Variants in GREB1L observed in about 807,000 individuals in gnomAD.
GREB1L encodes GREB1 like retinoic acid receptor coactivator, also known as GREB1-like protein.
GREB1L carries 17 observed loss-of-function variants against 200.8 expected under a neutral mutation model. The observed-to-expected ratio is 0.08, with a 90% CI of 0.06 to 0.13. The LOEUF (loss-of-function observed/expected upper bound fraction) is 0.13, where lower values mean the gene tolerates loss of function less well. Among genes scored for constraint, GREB1L ranks in the 10% least tolerant of loss-of-function variants. The pLI is 1.00. For missense variants in GREB1L, 1,657 were observed against 2,367.7 expected (o/e 0.70, Z 6.23); for synonymous variants, 789 against 893.0 (o/e 0.88, Z 2.08).
chr18:21,274,925 T>C (rs1311474352), intron 1 of GREB1L, among the ~76,000 whole-genome samples: 5 of 151,356 alleles, frequency 3.3e-5, no homozygotes, highest in Non-Finnish European at 2.9e-5. Context: ...AATTTTAAAA[T>C]ACCACACTTG....
intron 18 of GREB1L, among the ~76,000 whole-genome samples, chr18:21,486,076 T>C (rs1017386289): frequency 6.6e-6 from 1 of 152,170 alleles, no homozygotes; most frequent in African/African-American, 2.4e-5. Flanking sequence ...CGCTTCTGGC[T>C]GGGCGCGGTG....
intron 28 of GREB1L, among the ~76,000 whole-genome samples, chr18:21,514,300 T>G (rs1423768083): frequency 6.6e-6 from 1 of 152,194 alleles, no homozygotes; most frequent in Non-Finnish European, 1.5e-5. Context: ...GCTGATCATT[T>G]AAGGCCAGGA....
rs1309793502 is a variant in GREB1L at position 21,452,193 on chromosome 18, G to A, written c.1960G>A (p.Ala654Thr). Residue 654 changes from alanine (A) to threonine (T), a missense_variant, in exon 14 of 33, where the codon GCT (alanine) becomes ACT (threonine). Coordinates refer to ENST00000424526, the MANE Select transcript of GREB1L (RefSeq NM_001142966.3). ...ATGTGTGTCACCCCAGGAGGCTGCT[G>A]CTATGATTCCCACACAAAACCTGGG... The part of the protein sequence containing the change: ...NECVSPQEAA[A>T]MIPTQNLDLD... 2 of 1,551,686 alleles carry A rather than the reference G, an allele frequency of 1.3e-6. No individual in the cohort carries two copies. Among genetic ancestry groups the A allele is most frequent in the Non-Finnish European group, 1.7e-6 (2 of 1,146,924 alleles).
intron 1 of GREB1L, among the ~76,000 whole-genome samples, chr18:21,343,730 A>ATTTTTTTTTTTTTTTTTTTTTTTTTTTT (rs36120644): frequency 8.7e-6 from 1 of 114,952 alleles, no homozygotes; most frequent in Non-Finnish European, 1.8e-5. Flanking sequence ...GAGAAGAGAG[A>ATTTTTTTTTTTTTTTTTTTTTTTTTTTT]TTTTTTTTTT....
intron 7 of GREB1L, among the ~76,000 whole-genome samples, chr18:21,429,012 C>T (rs1264663958): frequency 1.3e-5 from 2 of 152,058 alleles, no homozygotes; most frequent in East Asian, 1.9e-4. Flanking sequence ...GCCACCGTGC[C>T]CAGCCTATAA....
intron 1 of GREB1L, among the ~76,000 whole-genome samples, chr18:21,359,264 A>G (rs2039549107): frequency 6.6e-6 from 1 of 152,220 alleles, no homozygotes. Context: ...AGCCTGGCCA[A>G]CATGGTGAAA....
chr18:21,470,622 T>C (rs1222078972), intron 15 of GREB1L, among the ~76,000 whole-genome samples: 4 of 152,218 alleles, frequency 2.6e-5, no homozygotes, highest in African/African-American at 7.2e-5. Context: ...ATTTTGTGTT[T>C]TCTACACAGA....
Position 21,254,173 on chromosome 18 carries a change from G to A in GREB1L, c.-120+11780G>A, listed in dbSNP as rs147737575. On this transcript the variant is annotated intron_variant, in intron 1 of 32. Coordinates refer to ENST00000424526, the MANE Select transcript of GREB1L (RefSeq NM_001142966.3). Reference sequence around the variant, plus strand: ...CAGCTTCCACCTCCCGGGTTCAAGCGATTCTCCTGTCTCAGCCTCCCGAAT... The same window carrying A: ...CAGCTTCCACCTCCCGGGTTCAAGCAATTCTCCTGTCTCAGCCTCCCGAAT... Among the ~76,000 whole-genome samples, 1,191 of 148,764 alleles carry A rather than the reference G, an allele frequency of 8.0e-3. 15 individuals carry two copies. The highest frequency in any genetic ancestry group is 0.028 in the African/African-American group (1,118 of 40,040).
intron 9 of GREB1L, 80 bp from the exon 10 acceptor site, chr18:21,441,320 A>G (rs1598845018): frequency 8.5e-7 from 1 of 1,172,544 alleles, no homozygotes. Flanking sequence ...CTCTGTTAAA[A>G]GTATTAAAAC....
At chr18:21,451,666 T>C (rs569932338) in intron 13 of GREB1L, among the ~76,000 whole-genome samples, 44 of 151,696 alleles carry the variant, frequency 2.9e-4, no homozygotes, top group Non-Finnish European at 5.4e-4. Flanking sequence ...GCTAATTTTT[T>C]AATTTTTTGT....
chr18:21,292,837 G>A (rs1382734801), intron 1 of GREB1L, among the ~76,000 whole-genome samples: 3 of 152,226 alleles, frequency 2.0e-5, no homozygotes, highest in Admixed American at 1.3e-4. Context: ...CACTGGGAAA[G>A]ACTTCAGGAA....
chr18:21,265,976 GA>G (rs574032858), intron 1 of GREB1L, among the ~76,000 whole-genome samples: 1 of 152,008 alleles, frequency 6.6e-6, no homozygotes, highest in Non-Finnish European at 1.5e-5. Context: ...TGGCTGAATG[GA>G]AAAAAACCCA....
At chr18:21,473,662 C>T (rs1000006705) in intron 16 of GREB1L, among the ~76,000 whole-genome samples, 4 of 151,580 alleles carry the variant, frequency 2.6e-5, no homozygotes, top group East Asian at 1.9e-4. Flanking sequence ...TTACTGGTAA[C>T]TTTTTCCTAC....
intron 7 of GREB1L, among the ~76,000 whole-genome samples, chr18:21,431,561 C>G (rs1404475282): frequency 2.0e-5 from 3 of 152,082 alleles, no homozygotes; most frequent in African/African-American, 7.2e-5. Context: ...GGAGAATCTC[C>G]CTGGTGCCCT....
At chr18:21,397,844 A>G (rs1004576011) in intron 5 of GREB1L, among the ~76,000 whole-genome samples, 4 of 152,206 alleles carry the variant, frequency 2.6e-5, no homozygotes, top group African/African-American at 9.6e-5. Context: ...GTATTTATTC[A>G]GGATGTACTG....
rs2030481110 is a variant in GREB1L at position 21,408,042 on chromosome 18, G to A, written c.832+4048G>A. ...AGTTAGATAGAAAAAATAAGTTCTA[G>A]TGTTTGATAGCAGAGCAGCATGACT... On this transcript the variant is annotated intron_variant, in intron 7 of 32. Transcript: ENST00000424526. 2.0e-5 allele frequency among the ~76,000 whole-genome samples: 3 copies of A among 152,126 alleles called. No homozygotes were observed. In the South Asian group the frequency reaches 6.2e-4, roughly 32 times the overall value.
chr18:21,460,158 G>A (rs992037403), intron 15 of GREB1L, among the ~76,000 whole-genome samples: 9 of 151,900 alleles, frequency 5.9e-5, no homozygotes, highest in African/African-American at 2.2e-4. Flanking sequence ...GTTTTGTTTT[G>A]TCTTGTTTTT....
At chr18:21,426,963 AAAAAAAAAAC>A (rs2032638101) in intron 7 of GREB1L, among the ~76,000 whole-genome samples, 2 of 117,266 alleles carry the variant, frequency 1.7e-5, no homozygotes, top group African/African-American at 1.0e-4. Flanking sequence ...CGTCTCAAAA[AAAAAAAAAAC>A]AAAAAAAAAA....
At chr18:21,256,688 A>G (rs1255973441) in intron 1 of GREB1L, among the ~76,000 whole-genome samples, 2 of 152,194 alleles carry the variant, frequency 1.3e-5, no homozygotes, top group Non-Finnish European at 2.9e-5. Flanking sequence ...CATTTCTGAG[A>G]TAATGAATCA....
Sources: allele counts gnomAD v4.1 joint callset (sites outside exome capture counted in the v4.1 genomes callset), GRCh38; gene constraint gnomAD v4.1.1; transcripts MANE v1.5; gene names NCBI Gene and HGNC (gene_info 2026-07-23, HGNC 2026-07-21).